The following CSNK1G1 variants were observed in gnomAD, a reference collection of about 807,000 sequenced individuals.
The protein encoded by CSNK1G1 is casein kinase 1 gamma 1.
In CSNK1G1, 22 loss-of-function variants were observed where a neutral mutation model predicts 59.6. The observed-to-expected ratio is 0.37, with a 90% confidence interval of 0.26 to 0.53. The LOEUF is 0.53. Ranked by LOEUF, CSNK1G1 falls within the 20% of genes least tolerant of loss-of-function variation. CSNK1G1 has a pLI of 0.89. For synonymous variants in CSNK1G1, 179 were observed against 177.1 expected (o/e 1.01, Z -0.08); for missense variants, 384 against 519.5 (o/e 0.74, Z 2.54).
intron 2 of CSNK1G1, among the ~76,000 whole-genome samples, chr15:64,271,888 T>A (rs1893328860): frequency 6.6e-6 from 1 of 152,184 alleles, no homozygotes; most frequent in Non-Finnish European, 1.5e-5. Flanking sequence ...GGAGTCTACA[T>A]CTCTTTGTAG....
At chr15:64,190,002 A>C (rs1473944261) in intron 10 of CSNK1G1, among the ~76,000 whole-genome samples, 2 of 151,854 alleles carry the variant, frequency 1.3e-5, no homozygotes, top group African/African-American at 4.8e-5. Flanking sequence ...TTGTATTTTC[A>C]GTAGAGACAG....
rs1357116499 is a variant in CSNK1G1, at chr15:64,176,634, C to T, written c.1214+3714G>A. ...GAGCAAATGACCCTGCCTGTAAGAA[C>T]TCAATCAAGCACCAGGGGTGAACCA... On this transcript the variant is annotated intron_variant, in intron 11 of 11. Coordinates refer to ENST00000303052, the MANE Select transcript of CSNK1G1 (RefSeq NM_022048.5). The surrounding 1 kb of genome is among the most constrained non-coding windows in gnomAD (Gnocchi z 5.2). 2.0e-5 allele frequency among the ~76,000 whole-genome samples: 3 copies of T among 152,300 alleles called. No individual in the cohort carries two copies. Among genetic ancestry groups the T allele is most frequent in the East Asian group, 3.9e-4 (2 of 5,180 alleles).
chr15:64,305,215 G>A (rs1248933174), intron 1 of CSNK1G1, among the ~76,000 whole-genome samples: 1 of 152,032 alleles, frequency 6.6e-6, no homozygotes, highest in Non-Finnish European at 1.5e-5. Flanking sequence ...CTAACCTGAT[G>A]TTTAAAACAC....
At chr15:64,196,677 C>T (rs1270886006) in intron 10 of CSNK1G1, among the ~76,000 whole-genome samples, 2 of 152,062 alleles carry the variant, frequency 1.3e-5, no homozygotes, top group Non-Finnish European at 2.9e-5. Flanking sequence ...GTCTCGAACT[C>T]TCGACCTCAG....
intron 2 of CSNK1G1, among the ~76,000 whole-genome samples, chr15:64,299,348 G>A (rs925262037): frequency 1.3e-5 from 2 of 152,106 alleles, no homozygotes; most frequent in Non-Finnish European, 2.9e-5. Context: ...CAGCACTTTG[G>A]GAGGCCGAGG....
At chr15:64,223,676 T>C (rs2082419980) in intron 4 of CSNK1G1, among the ~76,000 whole-genome samples, 2 of 152,208 alleles carry the variant, frequency 1.3e-5, no homozygotes, top group African/African-American at 4.8e-5. Flanking sequence ...AACTACAGGT[T>C]AAATCTCTTA....
chr15:64,346,494 G>A (rs1897987610), intron 1 of CSNK1G1, among the ~76,000 whole-genome samples: 2 of 151,078 alleles, frequency 1.3e-5, no homozygotes, highest in South Asian at 2.1e-4. Context: ...GTTTGCTCTT[G>A]TTGCCCAGAC....
chr15:64,253,323 C>A (rs182451452), intron 3 of CSNK1G1, among the ~76,000 whole-genome samples: 2 of 152,114 alleles, frequency 1.3e-5, no homozygotes, highest in African/African-American at 4.8e-5. Context: ...CCAGCCTGGG[C>A]GACAGAGTGA....
chr15:64,207,487 C>T, intron 7 of CSNK1G1, 22 bp downstream of exon 7: 1 of 1,550,546 alleles, frequency 6.4e-7, no homozygotes. Context: ...CAAAGCCCTC[C>T]ACTGAACACT....
At chr15:64,352,906 T>C (rs1292829616) in intron 1 of CSNK1G1, among the ~76,000 whole-genome samples, 4 of 151,548 alleles carry the variant, frequency 2.6e-5, no homozygotes, top group Non-Finnish European at 4.4e-5. Flanking sequence ...CTGGCCAACA[T>C]GGCAAAACGC....
intron 10 of CSNK1G1, among the ~76,000 whole-genome samples, chr15:64,193,441 G>A (rs562079768): frequency 6.7e-6 from 1 of 149,566 alleles, no homozygotes; most frequent in East Asian, 2.0e-4. Context: ...TGCATGAGCC[G>A]AGATCGCGCC....
intron 10 of CSNK1G1, among the ~76,000 whole-genome samples, chr15:64,189,057 T>A (rs912658032): frequency 1.3e-5 from 2 of 151,874 alleles, no homozygotes; most frequent in Non-Finnish European, 2.9e-5. Flanking sequence ...ACCCAGGAGG[T>A]GGAGGTTGCA....
Position 64,229,528 on chromosome 15 carries a change from T to TTCTC in CSNK1G1, c.293-12819_293-12816dup, listed in dbSNP as rs34099287. On this transcript the variant is annotated intron_variant, in intron 4 of 11. Transcript: ENST00000303052. ...GTATTCTCTCTCTTTCTCTCTCTCT[T>TTCTC]TCTCTCTCTCTCTCTCTCTCTCTCC... 5.0e-3 allele frequency among the ~76,000 whole-genome samples: 728 copies of TTCTC among 144,308 alleles called. 5 individuals are homozygous for TTCTC. The highest frequency in any genetic ancestry group is 0.017 in the African/African-American group (639 of 38,620). 94.7% of individuals were successfully genotyped at this position (144,308 alleles called of 152,430 possible).
intron 2 of CSNK1G1, among the ~76,000 whole-genome samples, chr15:64,291,031 T>C (rs1894714337): frequency 6.6e-6 from 1 of 152,172 alleles, no homozygotes; most frequent in African/African-American, 2.4e-5. Flanking sequence ...CTATTTTTAA[T>C]CACTTAAGCA....
chr15:64,292,897 C>T (rs1442966245), intron 2 of CSNK1G1, among the ~76,000 whole-genome samples: 1 of 152,188 alleles, frequency 6.6e-6, no homozygotes, highest in East Asian at 1.9e-4. Flanking sequence ...CACTGCACTC[C>T]AGCCTGGTGA....
chr15:64,300,665 AT>A lies in CSNK1G1; in HGVS notation c.-167del. 1.6e-6 allele frequency: 2 copies of A among 1,278,158 alleles called. No individual in the cohort carries two copies. The highest frequency in any genetic ancestry group is 2.0e-6 in the Non-Finnish European group (2 of 1,010,644). The allele number at this position is 1,278,158 out of a possible 1,614,324, so 79.2% of individuals were successfully genotyped here. On this transcript the variant is annotated 5_prime_UTR_variant, in exon 2 of 12. Transcript: ENST00000303052. ...ATCTCCGGGAGATGAAAAACCATTT[AT>A]TTGTTCCCGTAGGAAATGTAGTCAC...
At chr15:64,238,521 AT>A (rs1566914367) in intron 4 of CSNK1G1, among the ~76,000 whole-genome samples, 30 of 117,440 alleles carry the variant, frequency 2.6e-4, no homozygotes, top group African/African-American at 4.6e-4. Context: ...AAAAAAAAAT[AT>A]ATATATATAT....
At chr15:64,227,193 T>C (rs1240041017) in intron 4 of CSNK1G1, among the ~76,000 whole-genome samples, 2 of 152,232 alleles carry the variant, frequency 1.3e-5, no homozygotes, top group Non-Finnish European at 2.9e-5. Context: ...ATTCAGTGGA[T>C]TTAAAATGTG....
chr15:64,335,378 C>A (rs2140465160), intron 1 of CSNK1G1, among the ~76,000 whole-genome samples: 1 of 152,192 alleles, frequency 6.6e-6, no homozygotes, highest in East Asian at 1.9e-4. Flanking sequence ...CCACAAAGGT[C>A]CTGATCCTCA....
Sources: allele counts gnomAD v4.1 joint callset (sites outside exome capture counted in the v4.1 genomes callset), GRCh38; gene constraint gnomAD v4.1.1; non-coding constraint Gnocchi (gnomAD v3.1); transcripts MANE v1.5; gene names NCBI Gene and HGNC (gene_info 2026-07-23, HGNC 2026-07-21).